Variants in KANK4 observed in about 807,000 individuals in gnomAD.
KANK4 encodes KN motif and ankyrin repeat domain-containing protein 4.
Under a neutral mutation model 80.8 loss-of-function variants are expected in KANK4, and 50 were observed. The observed-to-expected ratio is 0.62, with a 90% CI of 0.49 to 0.78. KANK4 has a LOEUF of 0.78. Ranked by LOEUF, KANK4 falls within the 30% of genes least tolerant of loss-of-function variation. The pLI, the probability that KANK4 is intolerant of heterozygous loss-of-function variation, is 0.00. For missense variants in KANK4, 1,196 were observed against 1,240.1 expected, an observed-to-expected ratio of 0.96 and a Z score of 0.53; for synonymous variants, 465 against 506.9, an observed-to-expected ratio of 0.92 and a Z score of 1.11.
chr1:62,284,678 T>C (rs1261514313), intron 1 of KANK4, among the ~76,000 whole-genome samples: 1 of 152,196 alleles, frequency 6.6e-6, no homozygotes, highest in African/African-American at 2.4e-5. Context: ...AACCTTTAAA[T>C]ACCTGGTGTT....
At chr1:62,306,404 A>T (rs943050763) in intron 1 of KANK4, among the ~76,000 whole-genome samples, 1 of 152,152 alleles carries the variant, frequency 6.6e-6, no homozygotes, top group African/African-American at 2.4e-5. Context: ...TATTTAAAAA[A>T]TTTTCTATAC....
intron 6 of KANK4, among the ~76,000 whole-genome samples, chr1:62,264,303 G>A (rs1370730742): frequency 6.6e-6 from 1 of 152,158 alleles, no homozygotes; most frequent in Non-Finnish European, 1.5e-5. Context: ...TGTAATCCCA[G>A]CTACTCAGGA....
chr1:62,302,588 G>A (rs1189821638), intron 1 of KANK4, among the ~76,000 whole-genome samples: 1 of 151,974 alleles, frequency 6.6e-6, no homozygotes, highest in Non-Finnish European at 1.5e-5. Context: ...GCAGATGAAT[G>A]GGGTTAATGT....
rs897508067 is a variant in KANK4 at position 62,263,429 on chromosome 1, G to A, written c.2320-118C>T. ...TGCAGCTCCCTCCAGCTTGCCATGT[G>A]ATTTATTCCTGAAGGGCTCAGAGCT... On this transcript the variant is annotated intron_variant, in intron 6 of 9. Transcript: ENST00000371153. The A allele has an allele frequency of 3.1e-5, 25 of 802,162 alleles. No individual in the cohort carries two copies. The African/African-American group carries it at 4.0e-4, about 13-fold the overall frequency. The allele number at this position is 802,162 out of a possible 1,614,324, so 49.7% of individuals were successfully genotyped here.
At chr1:62,272,247 A>T (rs1474391018) in intron 3 of KANK4, 1 of 152,716 alleles carries the variant, frequency 6.5e-6, no homozygotes, top group Non-Finnish European at 1.5e-5. Context: ...GATCTGTTAC[A>T]ACAGGAAGTG....
At chr1:62,241,423 C>T (rs1207457699) in intron 9 of KANK4, among the ~76,000 whole-genome samples, 4 of 152,208 alleles carry the variant, frequency 2.6e-5, no homozygotes, top group East Asian at 3.9e-4. Context: ...ACTCTTTCCC[C>T]GAAAAGCCCT....
intron 5 of KANK4, among the ~76,000 whole-genome samples, 191 bp downstream of exon 5, chr1:62,268,096 A>G (rs1672068577): frequency 6.6e-6 from 1 of 152,200 alleles, no homozygotes; most frequent in South Asian, 2.1e-4. Context: ...GTGACAGTAC[A>G]TTCCACGAAA....
intron 1 of KANK4, among the ~76,000 whole-genome samples, chr1:62,302,747 C>G (rs1644422270): frequency 6.6e-6 from 1 of 152,136 alleles, no homozygotes; most frequent in Non-Finnish European, 1.5e-5. Flanking sequence ...GCCTCCAGAA[C>G]TGTGGGAAAT....
chr1:62,248,612 C>A (rs1671529896), intron 8 of KANK4, among the ~76,000 whole-genome samples: 1 of 150,688 alleles, frequency 6.6e-6, no homozygotes, highest in East Asian at 2.0e-4. Context: ...ATGGCACGAT[C>A]TCAGTTCACT....
chr1:62,272,743 A>G (rs1672192871), intron 3 of KANK4: 1 of 152,316 alleles, frequency 6.6e-6, no homozygotes, highest in Admixed American at 6.5e-5. Context: ...ACTGTCACAC[A>G]CATCAGTTTT....
chr1:62,304,263 G>T (rs367626379), intron 1 of KANK4, among the ~76,000 whole-genome samples: 1 of 152,012 alleles, frequency 6.6e-6, no homozygotes, highest in African/African-American at 2.4e-5. Context: ...CCAAGACGTT[G>T]ATCTGAATAG....
intron 7 of KANK4, among the ~76,000 whole-genome samples, 200 bp from the exon 8 acceptor site, chr1:62,253,409 C>CTTTTTTTTTTTTTTTTTTTTTTTTTTCTT (rs34488630): frequency 9.0e-6 from 1 of 110,980 alleles, no homozygotes; most frequent in Non-Finnish European, 1.7e-5. Flanking sequence ...TTCTTTCTTT[C>CTTTTTTTTTTTTTTTTTTTTTTTTTTCTT]TTTTTTTTTT....
Position 62,266,747 on chromosome 1 carries a change from G to T in KANK4, c.2304C>A (p.Thr768=). The T allele has an allele frequency of 6.2e-7, 1 of 1,608,318 alleles. No homozygotes were observed. The highest frequency in any genetic ancestry group is 8.5e-7 in the Non-Finnish European group (1 of 1,174,686). Residue 768 remains threonine, a synonymous_variant, in exon 6 of 10, where the codon ACC becomes ACA. Coordinates refer to ENST00000371153, the MANE Select transcript of KANK4 (RefSeq NM_181712.5). ...LSQHLPETGT[T]TDQLLRQSLN... is the part of the protein sequence containing the mutation. Reference sequence around the variant, plus strand: ...ATTAGAGTACCAAGAGCTGGTCTGTGGTGGTCCCAGTTTCTGGCAGATGCT... The same window carrying T: ...ATTAGAGTACCAAGAGCTGGTCTGTTGTGGTCCCAGTTTCTGGCAGATGCT...
In KANK4 at chr1:62,246,376, T is replaced by C. The variant is rs768804607; in HGVS notation, c.2883+1096A>G. Among the ~76,000 whole-genome samples the C allele has an allele frequency of 3.9e-5, 6 of 152,086 alleles. 1 individual carries two copies. The highest frequency in any genetic ancestry group is 8.8e-5 in the Non-Finnish European group (6 of 68,020). On this transcript the variant is annotated intron_variant, in intron 9 of 9. Coordinates refer to ENST00000371153, the MANE Select transcript of KANK4 (RefSeq NM_181712.5). ...TGACTACAGAGATGACTCTGTAAGG[T>C]TGATTCCTTCTGAAGGCTTTTGAGT... is the stretch of plus-strand genomic sequence containing the variant.
chr1:62,271,544 T>A lies in KANK4; in HGVS notation c.1946A>T (p.Asp649Val). The A allele has an allele frequency of 6.2e-7, 1 of 1,614,032 alleles. No homozygotes were observed. The highest frequency in any genetic ancestry group is 8.5e-7 in the Non-Finnish European group (1 of 1,179,964). ...TSLKSIMKKK[D>V]YGFRAGGNGT... ...ATTACCTCCTGCACGGAAGCCATAG[T>A]CTTTCTTTTTCATTATGGATTTAAG... Residue 649 changes from aspartate (D) to valine (V), a missense_variant, in exon 4 of 10, where the codon GAC becomes GTC. Around this residue, in one of 3 missense-constraint regions of KANK4, gnomAD observed 1,154 missense variants for 1,179.6 expected, o/e 0.98. Transcript: ENST00000371153.
chr1:62,267,262 T>A (rs1672044126), intron 5 of KANK4, among the ~76,000 whole-genome samples: 1 of 152,162 alleles, frequency 6.6e-6, no homozygotes, highest in Non-Finnish European at 1.5e-5. Context: ...TATTCTTCCA[T>A]GAAGGACACC....
At position 62,263,318 on chromosome 1, in the gene KANK4, C is replaced by T; in HGVS notation, c.2320-7G>A. On this transcript the variant is annotated splice_polypyrimidine_tract_variant and splice_region_variant and intron_variant, in intron 6 of 9. Transcript: ENST00000371153. ...TGGTGTTCAAGCTTTGCCTCTGAAA[C>T]CCCAAAAAAGACCAATTCCAAGAGG... 6.2e-7 allele frequency: 1 copy of T among 1,610,904 alleles called. No individual in the cohort carries two copies. The highest frequency in any genetic ancestry group is 2.2e-5 in the East Asian group (1 of 44,818).
chr1:62,273,887 G>A lies in KANK4; in HGVS notation c.1217C>T (p.Thr406Ile). ...CACCATCACGTCCGTCTGGCCCTGA[G>A]TGTCTTTGGCGTTCTCTTGGTGAAA... ...GQFHQENAKD[T>I]QGQTDVMVNT... The change falls in exon 3 of 10, where the codon ACT (threonine) becomes ATT (isoleucine). Residue 406 changes from threonine (T) to isoleucine (I), a missense_variant. Physicochemically the swap from Thr to Ile is moderately conservative, Grantham distance 89. Coordinates refer to ENST00000371153, the MANE Select transcript of KANK4 (RefSeq NM_181712.5). The A allele has an allele frequency of 6.2e-7, 1 of 1,614,208 alleles. No individual in the cohort carries two copies. Among genetic ancestry groups the A allele is most frequent in the Non-Finnish European group, 8.5e-7 (1 of 1,180,046 alleles).
chr1:62,276,842 A>G (rs1672326964), intron 2 of KANK4, among the ~76,000 whole-genome samples: 2 of 152,208 alleles, frequency 1.3e-5, no homozygotes, highest in South Asian at 4.1e-4. Flanking sequence ...TGCCTCACAC[A>G]TGATAAACAT....
Sources: allele counts gnomAD v4.1 joint callset (sites outside exome capture counted in the v4.1 genomes callset), GRCh38; gene constraint gnomAD v4.1.1; regional missense constraint gnomAD v4.1.1; transcripts MANE v1.5; gene names NCBI Gene and HGNC (gene_info 2026-07-23, HGNC 2026-07-21).